Variants in PATJ observed in about 807,000 individuals in gnomAD.
PATJ encodes the protein inaD-like protein.
Under a neutral mutation model 224.9 loss-of-function variants are expected in PATJ, and 190 were observed. The observed-to-expected ratio is 0.84, with a 90% confidence interval of 0.75 to 0.95. PATJ has a LOEUF of 0.95. Among genes scored for constraint, PATJ ranks in the 40% least tolerant of loss-of-function variants. PATJ has a pLI of 0.00. For synonymous variants in PATJ, 769 were observed against 820.3 expected, an observed-to-expected ratio of 0.94 and a Z score of 1.07; for missense variants, 2,121 against 2,270.3, an observed-to-expected ratio of 0.93 and a Z score of 1.34.
chr1:61,782,654 A>G (rs934187981), intron 7 of PATJ, among the ~76,000 whole-genome samples: 2 of 152,196 alleles, frequency 1.3e-5, no homozygotes, highest in East Asian at 3.8e-4. Flanking sequence ...GGCCAATTCC[A>G]TGGATAGAGA....
At chr1:61,965,964 C>T (rs913528895) in intron 27 of PATJ, among the ~76,000 whole-genome samples, 8 of 152,306 alleles carry the variant, frequency 5.3e-5, no homozygotes, top group Admixed American at 4.6e-4. Flanking sequence ...TGCAATGGCA[C>T]GATCTTGGCT....
At chr1:61,787,108 T>C (rs1286821) in intron 7 of PATJ, among the ~76,000 whole-genome samples, 152,255 of 152,338 alleles carry the variant, frequency 1, 76,086 homozygotes, top group Middle Eastern at 1. Flanking sequence ...CCTCCCAACT[T>C]GTATCTTTGC....
intron 31 of PATJ, among the ~76,000 whole-genome samples, chr1:62,057,901 T>A (rs948268106): frequency 6.6e-6 from 1 of 152,308 alleles, no homozygotes; most frequent in African/African-American, 2.4e-5. Context: ...ACTTCCCTCA[T>A]TTTGTACAAC....
chr1:62,023,966 T>C (rs1199879198), intron 29 of PATJ, among the ~76,000 whole-genome samples: 4 of 152,216 alleles, frequency 2.6e-5, no homozygotes, highest in African/African-American at 9.6e-5. Context: ...TCATATGATT[T>C]TCGCTTTTGA....
intron 33 of PATJ, among the ~76,000 whole-genome samples, chr1:62,094,538 C>T (rs1661157896): frequency 1.4e-5 from 2 of 147,474 alleles, no homozygotes; most frequent in Non-Finnish European, 3.0e-5. Flanking sequence ...AACCACTGAA[C>T]CTAACCTAGA....
At chr1:62,137,609 G>A (rs2989011) in intron 41 of PATJ, among the ~76,000 whole-genome samples, 8,821 of 16,394 alleles carry the variant, frequency 0.54, 1,962 homozygotes, top group Middle Eastern at 0.64. Flanking sequence ...CGGAGGGGGG[G>A]ACACAGAGTG....
chr1:62,145,497 AC>A (rs1233390940), intron 41 of PATJ, among the ~76,000 whole-genome samples: 1 of 152,138 alleles, frequency 6.6e-6, no homozygotes, highest in Non-Finnish European at 1.5e-5. Context: ...CACTGTCGCT[AC>A]AAAAAATAAA....
chr1:62,152,507 C>T (rs1056715474), intron 42 of PATJ, among the ~76,000 whole-genome samples: 1 of 151,908 alleles, frequency 6.6e-6, no homozygotes, highest in Non-Finnish European at 1.5e-5. Context: ...CAAAACTTAG[C>T]TGGGCATGGT....
chr1:61,839,176 T>G (rs193057875), intron 17 of PATJ, among the ~76,000 whole-genome samples: 2 of 152,146 alleles, frequency 1.3e-5, no homozygotes, highest in African/African-American at 4.8e-5. Context: ...ACTATACTGC[T>G]CTTTCCTTTG....
intron 29 of PATJ, among the ~76,000 whole-genome samples, chr1:62,024,505 T>C (rs1302880133): frequency 6.6e-6 from 1 of 152,146 alleles, no homozygotes; most frequent in Admixed American, 6.6e-5. Flanking sequence ...CCTACATTTG[T>C]TTCACCTCTT....
At chr1:61,792,590 G>A (rs944362150) in intron 9 of PATJ, among the ~76,000 whole-genome samples, 6 of 151,862 alleles carry the variant, frequency 4.0e-5, no homozygotes, top group African/African-American at 1.5e-4. Context: ...GAGTGCAGTG[G>A]CGCGATCTTG....
chr1:61,791,344 T>A lies in PATJ; in HGVS notation c.1069-4T>A. ...ATATAATTAAATTTGTTTTTTCCTTTTAGGACAGTTCTCTTTTTGAAACTT... is the reference window on the plus strand; with the variant it reads ...ATATAATTAAATTTGTTTTTTCCTTATAGGACAGTTCTCTTTTTGAAACTT... On this transcript the variant is annotated splice_polypyrimidine_tract_variant and splice_region_variant and intron_variant, in intron 8 of 43. Coordinates refer to ENST00000642238, the MANE Select transcript of PATJ (RefSeq NM_001350145.3). 6.3e-7 allele frequency: 1 copy of A among 1,583,706 alleles called. No individual in the cohort carries two copies. Among genetic ancestry groups the A allele is most frequent in the Non-Finnish European group, 8.7e-7 (1 of 1,153,112 alleles).
intron 37 of PATJ, among the ~76,000 whole-genome samples, chr1:62,117,876 A>G (rs902432032): frequency 3.9e-5 from 6 of 152,092 alleles, no homozygotes; most frequent in Non-Finnish European, 7.4e-5. Flanking sequence ...AGAAACTTAT[A>G]TGTGACCCCT....
At chr1:61,919,628 A>G (rs934089003) in intron 26 of PATJ, among the ~76,000 whole-genome samples, 15 of 152,134 alleles carry the variant, frequency 9.9e-5, no homozygotes, top group Middle Eastern at 3.4e-3. Context: ...GTTCCTGTTT[A>G]CTACATTCTA....
chr1:62,096,012 T>C (rs1558161335), intron 33 of PATJ, among the ~76,000 whole-genome samples: 2 of 152,280 alleles, frequency 1.3e-5, no homozygotes, highest in Admixed American at 1.3e-4. Flanking sequence ...CCTCGTCTTC[T>C]TGTACTTAGG....
At chr1:61,744,114 G>A (rs980291733) in intron 1 of PATJ, among the ~76,000 whole-genome samples, 3 of 151,874 alleles carry the variant, frequency 2.0e-5, no homozygotes, top group African/African-American at 7.3e-5. Context: ...CCAAGAGTTG[G>A]AGACCAGCCT....
intron 31 of PATJ, among the ~76,000 whole-genome samples, chr1:62,071,485 G>GATC (rs1455972423): frequency 7.1e-6 from 1 of 141,104 alleles, no homozygotes; most frequent in East Asian, 2.0e-4. Context: ...CAGGTTTGTA[G>GATC]ATCACTTTTT....
At chr1:61,989,159 C>T (rs569560551) in intron 27 of PATJ, among the ~76,000 whole-genome samples, 2 of 152,220 alleles carry the variant, frequency 1.3e-5, no homozygotes, top group Admixed American at 6.5e-5. Context: ...CAGCCATCTC[C>T]TAAAACAGGT....
intron 28 of PATJ, among the ~76,000 whole-genome samples, chr1:62,001,217 G>T (rs1048510607): frequency 4.0e-5 from 6 of 151,374 alleles, no homozygotes; most frequent in Non-Finnish European, 5.9e-5. Context: ...GTCAATTTTG[G>T]CTTTTGTTGC....
Sources: allele counts gnomAD v4.1 joint callset (sites outside exome capture counted in the v4.1 genomes callset), GRCh38; gene constraint gnomAD v4.1.1; transcripts MANE v1.5; gene names NCBI Gene and HGNC (gene_info 2026-07-23, HGNC 2026-07-21).